Variants in ANKRD11 observed in about 807,000 individuals in gnomAD.
ANKRD11 encodes ankyrin repeat domain 11.
In ANKRD11, 17 loss-of-function variants were observed where a neutral mutation model predicts 195.7. That is an observed-to-expected ratio of 0.09 (90% CI 0.06 to 0.13). ANKRD11 has a LOEUF of 0.13. Among genes scored for constraint, ANKRD11 ranks in the 10% least tolerant of loss-of-function variants. The probability of loss-of-function intolerance (pLI) is 1.00; values close to 1 mark genes in which losing one functional copy is unlikely to be tolerated. For missense variants in ANKRD11, 3,735 were observed against 3,566.1 expected (o/e 1.05, Z -1.21); for synonymous variants, 1,953 against 1,528.1 (o/e 1.28, Z -6.49).
intron 1 of ANKRD11, chr16:89,443,356 C>T (rs1312113541): frequency 1.3e-5 from 1 of 77,954 alleles, no homozygotes; most frequent in Non-Finnish European, 3.2e-5. Flanking sequence ...AAAATTCGAA[C>T]AACAGAGACG....
intron 2 of ANKRD11, among the ~76,000 whole-genome samples, chr16:89,321,698 C>T (rs1047281313): frequency 1.1e-4 from 17 of 150,858 alleles, no homozygotes; most frequent in African/African-American, 4.1e-4. Flanking sequence ...TCTTAAAACT[C>T]ACAGAAAAAA....
chr16:89,284,951 C>A lies in ANKRD11; in HGVS notation c.1591G>T (p.Ala531Ser). The A allele has an allele frequency of 6.2e-7, 1 of 1,614,098 alleles. No homozygotes were observed. The highest frequency in any genetic ancestry group is 8.5e-7 in the Non-Finnish European group (1 of 1,180,014). The part of the protein sequence containing the change: ...SSTSSHGSSA[A>S]QKQNPSHTDQ... ...GTGTGGCTGGGGTTCTGCTTCTGGGCGGCAGAGCTCCCGTGAGACGAGGTG... is the reference window on the plus strand; with the variant it reads ...GTGTGGCTGGGGTTCTGCTTCTGGGAGGCAGAGCTCCCGTGAGACGAGGTG... The change falls in exon 9 of 13, where the codon GCC becomes TCC. Residue 531 changes from alanine (A) to serine (S), a missense_variant. By Grantham distance (99) the Ala-to-Ser change is moderately conservative. Transcript: ENST00000301030.
intron 2 of ANKRD11, among the ~76,000 whole-genome samples, chr16:89,379,103 C>A (rs1488198886): frequency 6.6e-6 from 1 of 152,218 alleles, no homozygotes; most frequent in African/African-American, 2.4e-5. Flanking sequence ...TGCGGACCAG[C>A]CCCAGGAAGG....
At chr16:89,369,812 G>C (rs945274708) in intron 2 of ANKRD11, among the ~76,000 whole-genome samples, 1 of 152,190 alleles carries the variant, frequency 6.6e-6, no homozygotes, top group Admixed American at 6.5e-5. Context: ...GGGTGATACT[G>C]TTCAGTGTGC....
At chr16:89,331,284 T>C (rs2038053655) in intron 2 of ANKRD11, among the ~76,000 whole-genome samples, 2 of 152,218 alleles carry the variant, frequency 1.3e-5, no homozygotes, top group Non-Finnish European at 2.9e-5. Flanking sequence ...ATTAACTTCA[T>C]GTGTTTCTTT....
At chr16:89,463,738 T>C (rs1260015730) in intron 1 of ANKRD11, among the ~76,000 whole-genome samples, 4 of 151,752 alleles carry the variant, frequency 2.6e-5, no homozygotes, top group Non-Finnish European at 4.4e-5. Flanking sequence ...TTCAACGTAG[T>C]ATTCCACAGC....
At chr16:89,312,318 C>A (rs957612999) in intron 3 of ANKRD11, among the ~76,000 whole-genome samples, 5 of 152,208 alleles carry the variant, frequency 3.3e-5, no homozygotes, top group African/African-American at 4.8e-5. Flanking sequence ...TGCAAATTCG[C>A]TGCTTCAGAG....
chr16:89,481,805 T>A (rs1253536268), intron 1 of ANKRD11, among the ~76,000 whole-genome samples: 1 of 152,138 alleles, frequency 6.6e-6, no homozygotes, highest in Non-Finnish European at 1.5e-5. Context: ...TCACGTTACA[T>A]GCGGCCTTCC....
intron 2 of ANKRD11, among the ~76,000 whole-genome samples, chr16:89,327,084 A>G (rs1313660172): frequency 4.7e-5 from 7 of 150,482 alleles, no homozygotes; most frequent in East Asian, 1.9e-4. Flanking sequence ...CAGAGGTTGG[A>G]AATGCAGAGG....
intron 1 of ANKRD11, among the ~76,000 whole-genome samples, chr16:89,453,869 T>G (rs2056307581): frequency 6.6e-6 from 1 of 152,134 alleles, no homozygotes; most frequent in Non-Finnish European, 1.5e-5. Flanking sequence ...CAGGGTCCAG[T>G]GCTGGCGTCC....
intron 3 of ANKRD11, among the ~76,000 whole-genome samples, chr16:89,311,345 G>A (rs779176742): frequency 9.9e-5 from 15 of 152,160 alleles, no homozygotes; most frequent in Non-Finnish European, 1.9e-4. Context: ...TTGGTCTGTA[G>A]TTTTCTTATC....
At chr16:89,404,333 G>A (rs950694427) in intron 2 of ANKRD11, among the ~76,000 whole-genome samples, 3 of 152,156 alleles carry the variant, frequency 2.0e-5, no homozygotes, top group African/African-American at 7.2e-5. Flanking sequence ...GAAAATGGAA[G>A]TGCAGGAAGG....
At chr16:89,432,239 A>G (rs1380316131) in intron 1 of ANKRD11, among the ~76,000 whole-genome samples, 2 of 5,640 alleles carry the variant, frequency 3.5e-4, no homozygotes, top group East Asian at 2.4e-3. Flanking sequence ...GATGCAGTAC[A>G]CACACACACA....
At chr16:89,367,725 C>T (rs182970919) in intron 2 of ANKRD11, among the ~76,000 whole-genome samples, 4 of 152,340 alleles carry the variant, frequency 2.6e-5, no homozygotes, top group African/African-American at 2.4e-5. Flanking sequence ...TACAGCTCCA[C>T]GCATCCCATC....
At chr16:89,294,705 GCA>G (rs1452815639) in intron 4 of ANKRD11, among the ~76,000 whole-genome samples, 1 of 152,168 alleles carries the variant, frequency 6.6e-6, no homozygotes, top group Admixed American at 6.5e-5. Context: ...TCCTTGACGT[GCA>G]CACACACAGC....
In ANKRD11 at chr16:89,279,946, A is replaced by G; in HGVS notation, c.6596T>C (p.Leu2199Pro). Residue 2199 changes from leucine to proline, a missense_variant, in exon 9 of 13, where the codon CTC becomes CCC. By Grantham distance (98) the Leu-to-Pro change is moderately conservative (BLOSUM62 -3). Transcript: ENST00000301030. The surrounding 1 kb of genome is among the most constrained non-coding windows in gnomAD (Gnocchi z 5.6). ...GGGCTCAGGCTCGAGCTCTGCAGGG[A>G]GCCGGGTGGAGGCCTGGTCAGGAGG... ...ALPPDQASTR[L>P]PAELEPEPSG... The G allele has an allele frequency of 1.2e-6, 2 of 1,609,990 alleles. No individual in the cohort carries two copies. Among genetic ancestry groups the G allele is most frequent in the South Asian group, 1.1e-5 (1 of 91,034 alleles).
chr16:89,282,551 C>T lies in ANKRD11; in HGVS notation c.3991G>A (p.Asp1331Asn). Residue 1331 changes from aspartate to asparagine, a missense_variant, in exon 9 of 13, where the codon GAC becomes AAC. Transcript: ENST00000301030. ...LEVSFTEPPG[D>N]DKPRESACLP... Reference sequence around the variant, plus strand: ...CAGGCGCTCTCCCTCGGCTTGTCGTCTCCAGGTGGCTCCGTGAAAGAGACC... The same window carrying T: ...CAGGCGCTCTCCCTCGGCTTGTCGTTTCCAGGTGGCTCCGTGAAAGAGACC... The T allele has an allele frequency of 6.2e-7, 1 of 1,614,092 alleles. No individual in the cohort carries two copies. The highest frequency in any genetic ancestry group is 1.1e-5 in the South Asian group (1 of 91,070).
At chr16:89,350,122 G>C (rs2039142454) in intron 2 of ANKRD11, among the ~76,000 whole-genome samples, 1 of 152,122 alleles carries the variant, frequency 6.6e-6, no homozygotes, top group Non-Finnish European at 1.5e-5. Flanking sequence ...TGTCACTAGG[G>C]CACTGGAAAT....
Position 89,284,689 on chromosome 16 carries a change from G to C in ANKRD11, c.1853C>G (p.Ala618Gly), listed in dbSNP as rs747799769. Residue 618 changes from alanine (A) to glycine (G), a missense_variant, in exon 9 of 13, where the codon GCT (alanine) becomes GGT (glycine). Transcript: ENST00000301030. Reference sequence around the variant, plus strand: ...CCCCTCCTTGTCCAGTTTGGGGACAGCGCCCTCCGCGCTGGACAGGAAGGG... The same window carrying C: ...CCCCTCCTTGTCCAGTTTGGGGACACCGCCCTCCGCGCTGGACAGGAAGGG... ...KSPFLSSAEG[A>G]VPKLDKEGKV... The C allele has an allele frequency of 6.2e-7, 1 of 1,613,992 alleles. No individual in the cohort carries two copies. Among genetic ancestry groups the C allele is most frequent in the South Asian group, 1.1e-5 (1 of 91,082 alleles).
Sources: gnomAD v4.1 joint callset for allele counts (sites outside exome capture counted in the v4.1 genomes callset) on GRCh38, gnomAD v4.1.1 for gene constraint, Gnocchi (gnomAD v3.1) non-coding constraint, MANE v1.5 for transcripts, NCBI Gene and HGNC (gene_info 2026-07-23, HGNC 2026-07-21) for gene names.